GPR37: variants seen among roughly 807,000 people sequenced by gnomAD.
GPR37 encodes the protein G protein-coupled receptor 37.
Under a neutral mutation model 43.6 loss-of-function variants are expected in GPR37, and 20 were observed. That is an observed-to-expected ratio of 0.46 (90% CI 0.32 to 0.67). The LOEUF (loss-of-function observed/expected upper bound fraction) is 0.67, where lower values mean the gene tolerates loss of function less well. Ranked by LOEUF, GPR37 falls within the 30% of genes least tolerant of loss-of-function variation. The probability of loss-of-function intolerance (pLI) is 0.03; values close to 1 mark genes in which losing one functional copy is unlikely to be tolerated. For missense variants in GPR37, 724 were observed against 797.2 expected (o/e 0.91, Z 1.11); for synonymous variants, 315 against 322.6 (o/e 0.98, Z 0.25).
chr7:124,755,847 T>A (rs377113530), intron 1 of GPR37, among the ~76,000 whole-genome samples: 21 of 152,328 alleles, frequency 1.4e-4, no homozygotes, highest in African/African-American at 4.6e-4. Context: ...TTCAGTTCCT[T>A]ACCTTGGGGT....
chr7:124,763,337 C>T (rs568796777), intron 1 of GPR37, among the ~76,000 whole-genome samples: 1 of 152,076 alleles, frequency 6.6e-6, no homozygotes, highest in Non-Finnish European at 1.5e-5. Flanking sequence ...AAGACAGGAA[C>T]AAAAAATGAC....
intron 1 of GPR37, among the ~76,000 whole-genome samples, chr7:124,751,012 G>C (rs1436158483): frequency 6.6e-6 from 1 of 152,032 alleles, no homozygotes; most frequent in Non-Finnish European, 1.5e-5. Context: ...TAGTCTTTTT[G>C]ATAAATCATG....
chr7:124,760,466 T>C (rs1214069011), intron 1 of GPR37, among the ~76,000 whole-genome samples: 1 of 152,226 alleles, frequency 6.6e-6, no homozygotes, highest in Non-Finnish European at 1.5e-5. Context: ...TTAAAAAGTA[T>C]AGTTGTCTCA....
chr7:124,755,548 C>T (rs545801435), intron 1 of GPR37, among the ~76,000 whole-genome samples: 1 of 152,194 alleles, frequency 6.6e-6, no homozygotes, highest in East Asian at 1.9e-4. Context: ...GTCTATAGCA[C>T]AGTACATTCC....
At chr7:124,761,932 T>G (rs1293659934) in intron 1 of GPR37, among the ~76,000 whole-genome samples, 1 of 152,146 alleles carries the variant, frequency 6.6e-6, no homozygotes, top group African/African-American at 2.4e-5. Context: ...AATGAGTGAA[T>G]TTTTTAAGCC....
intron 1 of GPR37, among the ~76,000 whole-genome samples, chr7:124,747,979 C>A (rs980125682): frequency 1.3e-5 from 2 of 152,180 alleles, no homozygotes. Context: ...TTCAAACAGG[C>A]CAGAGACCCC....
intron 1 of GPR37, among the ~76,000 whole-genome samples, chr7:124,756,737 G>A (rs1793795920): frequency 2.0e-5 from 3 of 152,136 alleles, no homozygotes; most frequent in Non-Finnish European, 4.4e-5. Context: ...GAGACAAACT[G>A]CACTGCATAG....
At chr7:124,760,530 C>A (rs1438117919) in intron 1 of GPR37, among the ~76,000 whole-genome samples, 1 of 152,102 alleles carries the variant, frequency 6.6e-6, no homozygotes, top group East Asian at 1.9e-4. Flanking sequence ...AACTTACTGA[C>A]AGTTTATGAG....
chr7:124,750,116 C>A (rs1793715404), intron 1 of GPR37, among the ~76,000 whole-genome samples: 1 of 152,024 alleles, frequency 6.6e-6, no homozygotes, highest in Non-Finnish European at 1.5e-5. Context: ...GAACGGCTGG[C>A]CACTTCCTAA....
intron 1 of GPR37, among the ~76,000 whole-genome samples, chr7:124,763,442 A>G (rs1793872856): frequency 1.3e-5 from 2 of 152,014 alleles, no homozygotes; most frequent in African/African-American, 4.8e-5. Context: ...GACAAACACA[A>G]TTTTCTTTCT....
At chr7:124,756,892 T>C (rs950828930) in intron 1 of GPR37, among the ~76,000 whole-genome samples, 8 of 152,294 alleles carry the variant, frequency 5.3e-5, no homozygotes, top group African/African-American at 1.7e-4. Context: ...AGCCTAAATA[T>C]GAAAGCAAAG....
At chr7:124,755,464 ACTTGT>A (rs1793781505) in intron 1 of GPR37, among the ~76,000 whole-genome samples, 1 of 152,088 alleles carries the variant, frequency 6.6e-6, no homozygotes. Context: ...TTCTCCCAAA[ACTTGT>A]CTTGATTCCA....
rs756242094 is a variant in GPR37, at chr7:124,746,526, C to T, written c.1841G>A (p.Ter614=). Residue 614 remains the stop codon, a stop_retained_variant, in exon 2 of 2, where the codon TGA becomes TAA. Transcript: ENST00000303921. Reference sequence around the variant, plus strand: ...TCTGACCCAACCAAGTACTGTCCTTCAGCAATGAGTTCCGACAGAAGCAAA... The same window carrying T: ...TCTGACCCAACCAAGTACTGTCCTTTAGCAATGAGTTCCGACAGAAGCAAA... ...STFASVGTHC[*] is the part of the protein sequence containing the mutation. 2 of 1,587,570 alleles carry T rather than the reference C, an allele frequency of 1.3e-6. No homozygotes were observed. The highest frequency in any genetic ancestry group is 4.5e-5 in the East Asian group (2 of 44,614).
intron 1 of GPR37, among the ~76,000 whole-genome samples, chr7:124,762,193 C>T (rs1043072624): frequency 6.6e-6 from 1 of 152,010 alleles, no homozygotes; most frequent in African/African-American, 2.4e-5. Context: ...TAATAAATGC[C>T]ATTGCTCAAA....
rs962076363 is a variant in GPR37, at chr7:124,765,472, C to G, written c.-496G>C. The G allele has an allele frequency of 2.6e-5, 4 of 153,734 alleles. No homozygotes were observed. The highest frequency in any genetic ancestry group is 4.3e-5 in the Non-Finnish European group (3 of 69,184). The allele number at this position is 153,734 out of a possible 1,614,324, so 9.5% of individuals were successfully genotyped here. ...GAAAAGAAAAACAAGTCCCCCTCCCCCAGACGACTCGCAGTCACAACCCCG... is the reference window on the plus strand; with the variant it reads ...GAAAAGAAAAACAAGTCCCCCTCCCGCAGACGACTCGCAGTCACAACCCCG... On this transcript the variant is annotated 5_prime_UTR_variant, in exon 1 of 2. Transcript: ENST00000303921.
At chr7:124,759,180 C>T (rs1355111240) in intron 1 of GPR37, among the ~76,000 whole-genome samples, 1 of 151,804 alleles carries the variant, frequency 6.6e-6, no homozygotes, top group African/African-American at 2.4e-5. Context: ...AATCCTCCTA[C>T]CCCAGCCTCC....
chr7:124,748,097 A>T lies in GPR37; in HGVS notation c.1024-754T>A, dbSNP rs138007883. Among the ~76,000 whole-genome samples, 168 of 152,234 alleles carry T rather than the reference A, an allele frequency of 1.1e-3. 2 individuals are homozygous for T. The Middle Eastern group carries it at 0.014, about 12-fold the overall frequency. ...GGGCAAGGTGCCCAGGTGCACAGAG[A>T]CAGGAAACAGAGCTGGGGCCAATGT... On this transcript the variant is annotated intron_variant, in intron 1 of 1. Coordinates refer to ENST00000303921, the MANE Select transcript of GPR37 (RefSeq NM_005302.5).
chr7:124,746,929 T>A lies in GPR37; in HGVS notation c.1438A>T (p.Asn480Tyr), dbSNP rs1793678371. Residue 480 changes from asparagine (N) to tyrosine (Y), a missense_variant, in exon 2 of 2, where the codon AAT becomes TAT. By Grantham distance (143) the Asn-to-Tyr change is moderately radical (BLOSUM62 -2). This residue lies in a region of GPR37 where 342 missense variants were observed against 441.8 expected (regional missense o/e 0.77). Coordinates refer to ENST00000303921, the MANE Select transcript of GPR37 (RefSeq NM_005302.5). ...CTCTCTAGTTGAATCTGCCGTTTAT[T>A]CCCTCGGGTACAGGCTTTCTCTGCT... is the stretch of plus-strand genomic sequence containing the variant. The part of the protein sequence containing the change: ...RKAEKACTRG[N>Y]KRQIQLESQM... The A allele has an allele frequency of 6.2e-7, 1 of 1,613,946 alleles. No homozygotes were observed. Among genetic ancestry groups the A allele is most frequent in the South Asian group, 1.1e-5 (1 of 91,086 alleles).
chr7:124,748,254 A>T (rs2116309522), intron 1 of GPR37, among the ~76,000 whole-genome samples: 1 of 152,234 alleles, frequency 6.6e-6, no homozygotes, highest in Non-Finnish European at 1.5e-5. Context: ...TTGGGTCTGG[A>T]TGAACTGGGG....
Sources: allele counts gnomAD v4.1 joint callset (sites outside exome capture counted in the v4.1 genomes callset), GRCh38; gene constraint gnomAD v4.1.1; regional missense constraint gnomAD v4.1.1; transcripts MANE v1.5; gene names NCBI Gene and HGNC (gene_info 2026-07-23, HGNC 2026-07-21).